The following ULK4 variants were observed in gnomAD, a reference collection of about 807,000 sequenced individuals.
The protein encoded by ULK4 is inactive serine/threonine-protein kinase ULK4.
A neutral mutation model predicts 160.6 loss-of-function variants in ULK4; 133 were observed. The observed-to-expected ratio is 0.83, with a 90% CI of 0.72 to 0.96. The LOEUF is 0.96. Ranked by LOEUF, ULK4 falls within the 40% of genes least tolerant of loss-of-function variation. The probability of loss-of-function intolerance (pLI) is 0.00; values close to 1 mark genes in which losing one functional copy is unlikely to be tolerated. For synonymous variants in ULK4, 534 were observed against 539.8 expected (o/e 0.99, Z 0.15); for missense variants, 1,580 against 1,499.5 (o/e 1.05, Z -0.89).
intron 22 of ULK4, among the ~76,000 whole-genome samples, chr3:41,735,434 T>C (rs2037995107): frequency 6.6e-6 from 1 of 152,172 alleles, no homozygotes. Flanking sequence ...CCAATTCCCC[T>C]GGGTCACCCT....
At chr3:41,897,831 C>G in intron 14 of ULK4, among the ~76,000 whole-genome samples, 1 of 152,116 alleles carries the variant, frequency 6.6e-6, no homozygotes, top group East Asian at 1.9e-4. Flanking sequence ...TCTACTCTAG[C>G]CACGATGAAT....
At chr3:41,677,752 T>C (rs1194040724) in intron 29 of ULK4, among the ~76,000 whole-genome samples, 3 of 152,172 alleles carry the variant, frequency 2.0e-5, no homozygotes, top group Non-Finnish European at 2.9e-5. Context: ...GACGTTGTGA[T>C]GGTTAACTTT....
intron 22 of ULK4, among the ~76,000 whole-genome samples, chr3:41,739,802 G>C (rs977392881): frequency 6.6e-6 from 1 of 151,848 alleles, no homozygotes; most frequent in African/African-American, 2.4e-5. Flanking sequence ...AAGTGGCAAA[G>C]ATGAAGGCTC....
chr3:41,938,047 TG>T (rs746918828), intron 3 of ULK4, 50 bp downstream of exon 3: 2 of 1,354,416 alleles, frequency 1.5e-6, no homozygotes, highest in South Asian at 1.6e-5. Flanking sequence ...CTTAACAGCA[TG>T]TTTTTTTTCA....
intron 29 of ULK4, among the ~76,000 whole-genome samples, chr3:41,674,573 G>C (rs924436993): frequency 2.6e-5 from 4 of 152,168 alleles, no homozygotes; most frequent in Non-Finnish European, 5.9e-5. Context: ...AAGAAAGGAG[G>C]AAAACTGAAA....
At chr3:41,748,267 A>T (rs2038489907) in intron 22 of ULK4, among the ~76,000 whole-genome samples, 2 of 151,368 alleles carry the variant, frequency 1.3e-5, no homozygotes, top group Middle Eastern at 3.4e-3. Context: ...ATATATATAT[A>T]CACACACGAT....
At chr3:41,306,557 G>A (rs1160267783) in intron 35 of ULK4, among the ~76,000 whole-genome samples, 6 of 149,734 alleles carry the variant, frequency 4.0e-5, no homozygotes, top group African/African-American at 1.2e-4. Flanking sequence ...CAGCCACCCC[G>A]TCCGGGAGGT....
chr3:41,288,056 A>G (rs1173803166), intron 35 of ULK4, among the ~76,000 whole-genome samples: 2 of 152,234 alleles, frequency 1.3e-5, no homozygotes, highest in African/African-American at 2.4e-5. Context: ...GAAAAGAAAT[A>G]AAGAGAACAC....
At position 41,579,027 on chromosome 3, in the gene ULK4, G is replaced by A. The variant is rs1286916900; in HGVS notation, c.3121-12897C>T. 2.6e-5 allele frequency among the ~76,000 whole-genome samples: 4 copies of A among 152,164 alleles called. No homozygotes were observed. In the East Asian group the frequency reaches 7.7e-4, roughly 29 times the overall value. The stretch of plus-strand genomic sequence containing the variant: ...TGGGGTTCTTGGCTATACGCTGAGT[G>A]TGTAAGACTCATCTGAGAAGCACTA... On this transcript the variant is annotated intron_variant, in intron 31 of 36. Coordinates refer to ENST00000301831, the MANE Select transcript of ULK4 (RefSeq NM_017886.4).
chr3:41,452,776 AAATGCATCTGG>A (rs1372272507), intron 34 of ULK4, among the ~76,000 whole-genome samples: 2 of 152,162 alleles, frequency 1.3e-5, no homozygotes, highest in Non-Finnish European at 2.9e-5. Flanking sequence ...AAACTATGAA[AAATGCATCTGG>A]AAATGACTCC....
At chr3:41,720,683 C>T (rs2037417287) in intron 22 of ULK4, among the ~76,000 whole-genome samples, 1 of 151,912 alleles carries the variant, frequency 6.6e-6, no homozygotes, top group Non-Finnish European at 1.5e-5. Context: ...AAGAAATATA[C>T]ATACAATGAC....
Position 41,339,066 on chromosome 3 carries a change from C to T in ULK4, c.3678+59013G>A, listed in dbSNP as rs534254237. Among the ~76,000 whole-genome samples, 5 of 152,044 alleles carry T rather than the reference C, an allele frequency of 3.3e-5. No homozygotes were observed. The South Asian group carries it at 1.0e-3, about 32-fold the overall frequency. ...ACATACGCCCAGAAATCATGTTTAG[C>T]CAGCTATCTGGGCATCTCCCAACCC... On this transcript the variant is annotated intron_variant, in intron 35 of 36. Transcript: ENST00000301831.
At chr3:41,578,921 T>C (rs750861711) in intron 31 of ULK4, among the ~76,000 whole-genome samples, 3 of 152,152 alleles carry the variant, frequency 2.0e-5, no homozygotes, top group Admixed American at 6.5e-5. Flanking sequence ...TCAAGCTAGG[T>C]TGAGAGTTTC....
intron 32 of ULK4, among the ~76,000 whole-genome samples, chr3:41,554,201 G>A (rs2087196631): frequency 6.6e-6 from 1 of 152,110 alleles, no homozygotes; most frequent in Admixed American, 6.6e-5. Flanking sequence ...AAAGAAATCA[G>A]TATATCAAAA....
chr3:41,451,309 CGTCTT>C (rs1218459210), intron 34 of ULK4, among the ~76,000 whole-genome samples: 1 of 151,818 alleles, frequency 6.6e-6, no homozygotes, highest in Non-Finnish European at 1.5e-5. Context: ...TTCCAAGAAT[CGTCTT>C]GTAAAGAATC....
At chr3:41,925,939 G>A (rs545542703) in intron 5 of ULK4, among the ~76,000 whole-genome samples, 116 of 152,278 alleles carry the variant, frequency 7.6e-4, no homozygotes, top group African/African-American at 2.2e-3. Flanking sequence ...AGACTTAAAC[G>A]TCCCTGCCTG....
intron 34 of ULK4, among the ~76,000 whole-genome samples, chr3:41,442,333 G>C (rs1211045221): frequency 6.6e-6 from 1 of 152,064 alleles, no homozygotes; most frequent in Non-Finnish European, 1.5e-5. Context: ...AATCTGTAAA[G>C]GTACCTTAAA....
chr3:41,645,580 T>C (rs2034448601), intron 30 of ULK4, among the ~76,000 whole-genome samples: 3 of 152,168 alleles, frequency 2.0e-5, no homozygotes. Flanking sequence ...TTTCTGTTCT[T>C]TTACATTTGC....
In ULK4 at chr3:41,246,944, T is replaced by C. The variant is rs748089332; in HGVS notation, c.3813A>G (p.Gln1271=). Residue 1271 remains glutamine, a synonymous_variant, in exon 37 of 37, where the codon CAA becomes CAG. Coordinates refer to ENST00000301831, the MANE Select transcript of ULK4 (RefSeq NM_017886.4). Reference sequence around the variant, plus strand: ...ACCTTCTTGCCTAGTGCCCAACGGCTTGGAGGATTTCCAGGGCCAAGGGAG... The same window carrying C: ...ACCTTCTTGCCTAGTGCCCAACGGCCTGGAGGATTTCCAGGGCCAAGGGAG... The part of the protein sequence containing the change: ...AVAPLALEIL[Q]AVGH The C allele has an allele frequency of 8.1e-6, 13 of 1,613,674 alleles. No individual in the cohort carries two copies. Among genetic ancestry groups the C allele is most frequent in the Non-Finnish European group, 1.1e-5 (13 of 1,179,900 alleles).
Sources: allele counts gnomAD v4.1 joint callset (sites outside exome capture counted in the v4.1 genomes callset), GRCh38; gene constraint gnomAD v4.1.1; transcripts MANE v1.5; gene names NCBI Gene and HGNC (gene_info 2026-07-23, HGNC 2026-07-21).